The following BRINP3 variants were observed in gnomAD, a reference collection of about 807,000 sequenced individuals.
BRINP3 encodes the protein BMP/retinoic acid-inducible neural-specific protein 3.
BRINP3 carries 19 observed loss-of-function variants against 71.0 expected under a neutral mutation model. That is an observed-to-expected ratio of 0.27 (90% CI 0.19 to 0.39). The LOEUF (loss-of-function observed/expected upper bound fraction) is 0.39, where lower values mean the gene tolerates loss of function less well. BRINP3 is among the 10% of genes least tolerant of loss of function. The pLI is 1.00. For synonymous variants in BRINP3, 380 were observed against 337.7 expected (o/e 1.13, Z -1.37); for missense variants, 959 against 940.8 (o/e 1.02, Z -0.25).
chr1:190,336,418 G>A (rs928968424), intron 2 of BRINP3, among the ~76,000 whole-genome samples: 1 of 151,926 alleles, frequency 6.6e-6, no homozygotes, highest in African/African-American at 2.4e-5. Flanking sequence ...CTAGAAGAAA[G>A]CCATATAGAT....
At chr1:190,251,273 T>A (rs1230800492) in intron 4 of BRINP3, among the ~76,000 whole-genome samples, 1 of 152,008 alleles carries the variant, frequency 6.6e-6, no homozygotes, top group East Asian at 1.9e-4. Flanking sequence ...TTTTTAAAAA[T>A]AACATTTATA....
chr1:190,114,448 C>T (rs1349167675), intron 7 of BRINP3, among the ~76,000 whole-genome samples: 1 of 151,782 alleles, frequency 6.6e-6, no homozygotes, highest in African/African-American at 2.4e-5. Context: ...GTCTGTTAGT[C>T]AGACTTTATA....
chr1:190,175,295 T>C (rs1029261014), intron 6 of BRINP3, among the ~76,000 whole-genome samples: 1 of 152,150 alleles, frequency 6.6e-6, no homozygotes, highest in Non-Finnish European at 1.5e-5. Flanking sequence ...AAATAAATGT[T>C]CAGTAAAATA....
At chr1:190,166,681 T>C (rs1093086) in intron 6 of BRINP3, among the ~76,000 whole-genome samples, 122,705 of 152,176 alleles carry the variant, frequency 0.81, 50,115 homozygotes, top group African/African-American at 0.95. Flanking sequence ...CCATATGGTG[T>C]TGTTCATTGC....
chr1:190,226,381 T>C (rs900094114), intron 5 of BRINP3, 63 bp from the exon 6 acceptor site: 1 of 882,700 alleles, frequency 1.1e-6, no homozygotes, highest in Non-Finnish European at 1.7e-6. Flanking sequence ...AAAATACTTA[T>C]TTATAATATT....
intron 2 of BRINP3, among the ~76,000 whole-genome samples, chr1:190,446,649 T>A (rs966084276): frequency 1.3e-5 from 2 of 152,130 alleles, no homozygotes; most frequent in Admixed American, 6.6e-5. Context: ...TGTTTCCATT[T>A]TGCTTTTGAT....
chr1:190,353,102 G>C (rs1463877625), intron 2 of BRINP3, among the ~76,000 whole-genome samples: 1 of 151,242 alleles, frequency 6.6e-6, no homozygotes, highest in Middle Eastern at 3.2e-3. Context: ...GATATATGCA[G>C]GCTCTCACCA....
chr1:190,366,176 T>A (rs1669486674), intron 2 of BRINP3, among the ~76,000 whole-genome samples: 1 of 152,118 alleles, frequency 6.6e-6, no homozygotes. Context: ...TGCCTGAGAC[T>A]GAGTAATTTA....
intron 2 of BRINP3, among the ~76,000 whole-genome samples, chr1:190,406,424 G>A (rs752661944): frequency 1.2e-4 from 19 of 152,148 alleles, no homozygotes; most frequent in Non-Finnish European, 2.2e-4. Flanking sequence ...CTATATTTTC[G>A]TACTGCTGCA....
chr1:190,349,106 C>T (rs952556305), intron 2 of BRINP3, among the ~76,000 whole-genome samples: 2 of 152,028 alleles, frequency 1.3e-5, no homozygotes, highest in East Asian at 3.9e-4. Context: ...AATTAAACAG[C>T]ATAAGCAGTT....
chr1:190,190,451 A>T (rs1653933711), intron 6 of BRINP3, among the ~76,000 whole-genome samples: 1 of 152,046 alleles, frequency 6.6e-6, no homozygotes, highest in African/African-American at 2.4e-5. Flanking sequence ...TGGTTTTCTT[A>T]GTCTTCTTAA....
chr1:190,286,831 T>C (rs1298170730), intron 2 of BRINP3, among the ~76,000 whole-genome samples: 1 of 152,156 alleles, frequency 6.6e-6, no homozygotes, highest in African/African-American at 2.4e-5. Context: ...ATTACATCTG[T>C]AAAATCATAT....
chr1:190,422,427 T>A (rs1415154652), intron 2 of BRINP3, among the ~76,000 whole-genome samples: 2 of 151,824 alleles, frequency 1.3e-5, no homozygotes, highest in African/African-American at 4.8e-5. Context: ...CCTGTATTAT[T>A]GGATTATTTA....
At chr1:190,207,236 C>A (rs575073819) in intron 6 of BRINP3, among the ~76,000 whole-genome samples, 2 of 152,134 alleles carry the variant, frequency 1.3e-5, no homozygotes, top group African/African-American at 2.4e-5. Context: ...ACAATTGAGG[C>A]AAGACTTCAT....
At chr1:190,440,714 T>C (rs183831930) in intron 2 of BRINP3, among the ~76,000 whole-genome samples, 1 of 152,136 alleles carries the variant, frequency 6.6e-6, no homozygotes, top group Admixed American at 6.5e-5. Flanking sequence ...CAACTATGTG[T>C]TGTCTTCGCC....
At chr1:190,460,540 AT>A (rs1676316727) in intron 1 of BRINP3, among the ~76,000 whole-genome samples, 1 of 152,190 alleles carries the variant, frequency 6.6e-6, no homozygotes, top group Non-Finnish European at 1.5e-5. Flanking sequence ...GAATAAAAAA[AT>A]AAATCTTATT....
At chr1:190,320,103 T>C (rs1666138713) in intron 2 of BRINP3, among the ~76,000 whole-genome samples, 1 of 152,000 alleles carries the variant, frequency 6.6e-6, no homozygotes, top group African/African-American at 2.4e-5. Context: ...CAATGTATAA[T>C]AATGAAACAA....
At position 190,454,923 on chromosome 1, in the gene BRINP3, T is replaced by C; in HGVS notation, c.-33A>G. 1 of 1,570,490 alleles carries C rather than the reference T, an allele frequency of 6.4e-7. No individual in the cohort carries two copies. The highest frequency in any genetic ancestry group is 2.3e-5 in the East Asian group (1 of 44,436). On this transcript the variant is annotated 5_prime_UTR_variant, in exon 2 of 8. Transcript: ENST00000367462. ...CTGGGGATTTAGAGCCTTCATTCTC[T>C]CAGCTTTCCCTCAACACCTAGACAA...
At chr1:190,398,591 C>T (rs1002165919) in intron 2 of BRINP3, among the ~76,000 whole-genome samples, 4 of 151,756 alleles carry the variant, frequency 2.6e-5, no homozygotes, top group Non-Finnish European at 2.9e-5. Context: ...GCTAAATAAG[C>T]AAAATAGTTT....
Sources: allele counts gnomAD v4.1 joint callset (sites outside exome capture counted in the v4.1 genomes callset), GRCh38; gene constraint gnomAD v4.1.1; transcripts MANE v1.5; gene names NCBI Gene and HGNC (gene_info 2026-07-23, HGNC 2026-07-21).